The following TRPC5 variants were observed in gnomAD, a reference collection of about 807,000 sequenced individuals.
The protein encoded by TRPC5 is short transient receptor potential channel 5.
A neutral mutation model predicts 56.5 loss-of-function variants in TRPC5; 9 were observed. That is an observed-to-expected ratio of 0.16 (90% confidence interval 0.10 to 0.28). The LOEUF (loss-of-function observed/expected upper bound fraction) is 0.28, where lower values mean the gene tolerates loss of function less well. TRPC5 is among the 10% of genes least tolerant of loss of function. TRPC5 has a pLI of 1.00. For missense variants in TRPC5, 469 were observed against 748.9 expected (o/e 0.63, Z 4.36); for synonymous variants, 282 against 278.5 (o/e 1.01, Z -0.13).
intron 1 of TRPC5, among the ~76,000 whole-genome samples, chrX:112,022,074 G>A (rs1433453070): frequency 8.9e-6 from 1 of 112,237 alleles, no homozygotes; most frequent in African/African-American, 3.2e-5. Context: ...TAAAGGGTCT[G>A]GTTTCAGCAG....
At chrX:112,032,557 C>T (rs1320649832) in intron 1 of TRPC5, among the ~76,000 whole-genome samples, 1 of 112,108 alleles carries the variant, frequency 8.9e-6, no homozygotes, top group Admixed American at 9.4e-5. Flanking sequence ...CATCTCTTGG[C>T]TATTATAAAT....
intron 7 of TRPC5, among the ~76,000 whole-genome samples, chrX:111,817,620 G>A (rs956585324): frequency 9.9e-5 from 11 of 110,791 alleles, no homozygotes; most frequent in Admixed American, 7.7e-4. Flanking sequence ...CACCGTGCCC[G>A]GCCTCTTTTC....
At position 111,835,765 on chromosome X, in the gene TRPC5, A is replaced by G. The variant is rs182809082; in HGVS notation, c.1701-649T>C. Among the ~76,000 whole-genome samples the G allele has an allele frequency of 5.4e-5, 6 of 112,011 alleles. No homozygotes were observed. In the East Asian group the frequency reaches 1.7e-3, roughly 32 times the overall value. On this transcript the variant is annotated intron_variant, in intron 6 of 10. Coordinates refer to ENST00000262839, the MANE Select transcript of TRPC5 (RefSeq NM_012471.3). ...TCTGGCATTTGCTGGCTGAGTGAAC[A>G]TGAGAACAAATTACCATTTCTGATA...
At chrX:112,069,871 G>A (rs1419167976) in intron 1 of TRPC5, among the ~76,000 whole-genome samples, 2 of 111,288 alleles carry the variant, frequency 1.8e-5, no homozygotes, top group Admixed American at 9.5e-5. Flanking sequence ...AAATTAATAG[G>A]GATTTTATGG....
At chrX:111,937,723 G>A (rs1215875914) in intron 2 of TRPC5, among the ~76,000 whole-genome samples, 3 of 98,546 alleles carry the variant, frequency 3.0e-5, no homozygotes, top group Non-Finnish European at 6.1e-5. Context: ...TTTGGTACCA[G>A]TACCATGCTG....
intron 1 of TRPC5, among the ~76,000 whole-genome samples, chrX:112,070,419 T>G (rs1930688252): frequency 9.0e-6 from 1 of 111,167 alleles, no homozygotes; most frequent in African/African-American, 3.3e-5. Flanking sequence ...CTGGGCCAAT[T>G]TCTTTCTGAA....
chrX:111,855,883 A>G (rs756408483), intron 3 of TRPC5, among the ~76,000 whole-genome samples: 6 of 112,231 alleles, frequency 5.3e-5, no homozygotes, highest in Non-Finnish European at 9.4e-5. Flanking sequence ...GGAGAGTTAT[A>G]CAATTGTATA....
At chrX:111,902,583 C>T (rs1161849883) in intron 3 of TRPC5, 1 of 116,514 alleles carries the variant, frequency 8.6e-6, no homozygotes, top group Non-Finnish European at 1.8e-5. Flanking sequence ...GGGAATATCC[C>T]CCAGGGTAGC....
intron 7 of TRPC5, among the ~76,000 whole-genome samples, chrX:111,802,251 A>G (rs1921333996): frequency 9.0e-6 from 1 of 111,209 alleles, no homozygotes; most frequent in South Asian, 3.8e-4. Context: ...CCACTACCAC[A>G]CTGTTTTGAT....
intron 1 of TRPC5, among the ~76,000 whole-genome samples, chrX:112,023,887 C>T (rs934177144): frequency 9.0e-6 from 1 of 111,360 alleles, no homozygotes; most frequent in Non-Finnish European, 1.9e-5. Flanking sequence ...TGAGATCAGC[C>T]CAAATACATA....
intron 3 of TRPC5, among the ~76,000 whole-genome samples, chrX:111,892,176 T>C (rs1924837923): frequency 8.9e-6 from 1 of 112,295 alleles, no homozygotes; most frequent in Non-Finnish European, 1.9e-5. Context: ...TTCTGAGATA[T>C]ATTCCTGAAG....
Position 111,768,417 on chromosome X carries a change from G to A in TRPC5, c.*7896C>T, listed in dbSNP as rs1240713902. 8.9e-6 allele frequency among the ~76,000 whole-genome samples: 1 copy of A among 111,995 alleles called. No individual in the cohort carries two copies. Among genetic ancestry groups the A allele is most frequent in the Non-Finnish European group, 1.9e-5 (1 of 53,149 alleles). On this transcript the variant is annotated 3_prime_UTR_variant, in exon 11 of 11. Coordinates refer to ENST00000262839, the MANE Select transcript of TRPC5 (RefSeq NM_012471.3). ...CTGCAGACTGCATTCATTGTTTTGA[G>A]TAGAAAGAAACTCCCATCCCTAATT...
At chrX:112,065,380 G>A (rs969384883) in intron 1 of TRPC5, among the ~76,000 whole-genome samples, 3 of 111,848 alleles carry the variant, frequency 2.7e-5, no homozygotes, top group Non-Finnish European at 5.6e-5. Context: ...AAAACTGGGA[G>A]TCATTCTTGA....
At chrX:111,989,829 C>A (rs1293981929) in intron 1 of TRPC5, among the ~76,000 whole-genome samples, 2 of 112,207 alleles carry the variant, frequency 1.8e-5, no homozygotes, top group East Asian at 5.6e-4. Flanking sequence ...TGTATGATAT[C>A]TTTGAAACAA....
chrX:111,863,575 T>C (rs1198569682), intron 3 of TRPC5, among the ~76,000 whole-genome samples: 5 of 112,317 alleles, frequency 4.5e-5, no homozygotes, highest in African/African-American at 1.6e-4. Flanking sequence ...CAATTTTAAT[T>C]CTTCCTTTCC....
intron 7 of TRPC5, among the ~76,000 whole-genome samples, chrX:111,825,158 T>G (rs749656745): frequency 2.6e-5 from 1 of 37,948 alleles, no homozygotes; most frequent in East Asian, 1.1e-3. Flanking sequence ...TTTCTTTCTT[T>G]CTTTCTTTCT....
chrX:111,927,161 T>C (rs1319710618), intron 2 of TRPC5, among the ~76,000 whole-genome samples: 1 of 112,053 alleles, frequency 8.9e-6, no homozygotes, highest in Non-Finnish European at 1.9e-5. Flanking sequence ...ATCCTGTTCA[T>C]TGTAGGGTGT....
intron 1 of TRPC5, among the ~76,000 whole-genome samples, chrX:111,990,693 TTAAA>T (rs781023362): frequency 9.0e-6 from 1 of 111,316 alleles, no homozygotes; most frequent in Admixed American, 9.6e-5. Flanking sequence ...TTCAGCTCTC[TTAAA>T]TGAATGATTG....
intron 7 of TRPC5, among the ~76,000 whole-genome samples, chrX:111,825,157 TTC>T (rs1394902061): frequency 2.5e-5 from 1 of 39,845 alleles, no homozygotes; most frequent in Admixed American, 3.9e-4. Flanking sequence ...CTTTCTTTCT[TTC>T]TTTCTTTCTT....
Sources: gnomAD v4.1 joint callset for allele counts (sites outside exome capture counted in the v4.1 genomes callset) on GRCh38, gnomAD v4.1.1 for gene constraint, MANE v1.5 for transcripts, NCBI Gene and HGNC (gene_info 2026-07-23, HGNC 2026-07-21) for gene names.